ATP2A3: variants seen among roughly 807,000 people sequenced by gnomAD.
ATP2A3 encodes sarcoplasmic/endoplasmic reticulum calcium ATPase 3.
Under a neutral mutation model 106.8 loss-of-function variants are expected in ATP2A3, and 61 were observed. The observed-to-expected ratio is 0.57, with a 90% CI of 0.46 to 0.71. The LOEUF is 0.71. Ranked by LOEUF, ATP2A3 falls within the 30% of genes least tolerant of loss-of-function variation. ATP2A3 has a pLI of 0.00. For missense variants in ATP2A3, 1,201 were observed against 1,423.5 expected (o/e 0.84, Z 2.52); for synonymous variants, 611 against 609.3 (o/e 1.00, Z -0.04).
Position 3,928,787 on chromosome 17 carries a change from G to C in ATP2A3, c.2863-7C>G. The C allele has an allele frequency of 6.5e-7, 1 of 1,548,830 alleles. No individual in the cohort carries two copies. The highest frequency in any genetic ancestry group is 8.7e-7 in the Non-Finnish European group (1 of 1,144,140). ...GGGTCACCTGGAAAATGAGCTGGCGGGGAGGGGAAGGGAGGTTTGGTTAAA... is the reference window on the plus strand; with the variant it reads ...GGGTCACCTGGAAAATGAGCTGGCGCGGAGGGGAAGGGAGGTTTGGTTAAA... On this transcript the variant is annotated splice_region_variant and splice_polypyrimidine_tract_variant and intron_variant, in intron 19 of 20. Coordinates refer to ENST00000397041, the MANE Select transcript of ATP2A3 (RefSeq NM_005173.4). The surrounding 1 kb of genome is among the most constrained non-coding windows in gnomAD (Gnocchi z 6.1).
chr17:3,935,607 G>A (rs905700997), intron 16 of ATP2A3, among the ~76,000 whole-genome samples: 3 of 145,102 alleles, frequency 2.1e-5, no homozygotes, highest in Non-Finnish European at 3.0e-5. Flanking sequence ...GTGCCATCTC[G>A]GCTCACAGCA....
chr17:3,964,118 G>C, intron 1 of ATP2A3, 56 bp downstream of exon 1: 1 of 988,336 alleles, frequency 1.0e-6, no homozygotes, highest in Non-Finnish European at 1.2e-6. Flanking sequence ...AGGGGAAACT[G>C]AGACTGCGGC....
At position 3,936,142 on chromosome 17, in the gene ATP2A3, T is replaced by C; in HGVS notation, c.2524+125A>G. ...TCCCGCCATGCCTGGTCTTTTCCAT[T>C]ACATGAGCTCATACAGTTTCTACTG... On this transcript the variant is annotated intron_variant, in intron 16 of 20. Transcript: ENST00000397041. The surrounding 1 kb of genome is among the most constrained non-coding windows in gnomAD (Gnocchi z 5.4). 7.9e-7 allele frequency: 1 copy of C among 1,268,310 alleles called. No homozygotes were observed. The highest frequency in any genetic ancestry group is 1.1e-6 in the Non-Finnish European group (1 of 877,308). The allele number at this position is 1,268,310 out of a possible 1,614,324, so 78.6% of individuals were successfully genotyped here.
At chr17:3,937,375 G>C in intron 15 of ATP2A3, 41 bp downstream of exon 15, 1 of 1,592,184 alleles carries the variant, frequency 6.3e-7, no homozygotes, top group Non-Finnish European at 8.6e-7. Flanking sequence ...GGGGCACAGA[G>C]CGGATTGAGA....
rs763829274 is a variant in ATP2A3 at position 3,928,212 on chromosome 17, C to T, written c.2980+451G>A. 1.2e-6 allele frequency: 2 copies of T among 1,613,058 alleles called. No individual in the cohort carries two copies. Among genetic ancestry groups the T allele is most frequent in the East Asian group, 2.2e-5 (1 of 44,872 alleles). On this transcript the variant is annotated intron_variant, in intron 20 of 20. Transcript: ENST00000397041. This position sits in a 1 kb window ranked among gnomAD's most constrained non-coding sequence, Gnocchi z 6.1. ...CAGAAACAACCCTCCCCTTGACCCA[C>T]CCACAAGGTGATACCAAAGAGGCCA...
Position 3,936,485 on chromosome 17 carries a change from G to A in ATP2A3, c.2322-16C>T. The A allele has an allele frequency of 1.2e-6, 2 of 1,613,450 alleles. No individual in the cohort carries two copies. Among genetic ancestry groups the A allele is most frequent in the Non-Finnish European group, 1.7e-6 (2 of 1,179,922 alleles). On this transcript the variant is annotated splice_polypyrimidine_tract_variant and intron_variant, in intron 15 of 20. Transcript: ENST00000397041. The surrounding 1 kb of genome is among the most constrained non-coding windows in gnomAD (Gnocchi z 5.4). Reference sequence around the variant, plus strand: ...GAGGAAGATGCTGGAACAGAGTCATGAGCTCTAGCCCCGGTAGGCCTAGCC... The same window carrying A: ...GAGGAAGATGCTGGAACAGAGTCATAAGCTCTAGCCCCGGTAGGCCTAGCC...
rs1449581839 is a variant in ATP2A3 at position 3,947,786 on chromosome 17, T to G, written c.700A>C (p.Lys234Gln). ...ACTGCCGCCATCTGGCTCCGGATCT[T>G]GCCCAGCTCCGTGTGCAGGCCGGTG... ...VATGLHTELG[K>Q]IRSQMAAVEP... The change falls in exon 8 of 21, where the codon AAG (lysine) becomes CAG (glutamine). Residue 234 changes from lysine to glutamine, a missense_variant. Lys to Gln is a moderately conservative substitution (Grantham distance 53, BLOSUM62 1). Coordinates refer to ENST00000397041, the MANE Select transcript of ATP2A3 (RefSeq NM_005173.4). The surrounding 1 kb of genome is among the most constrained non-coding windows in gnomAD (Gnocchi z 7.7). The G allele has an allele frequency of 6.2e-7, 1 of 1,602,136 alleles. No homozygotes were observed. Among genetic ancestry groups the G allele is most frequent in the Non-Finnish European group, 8.5e-7 (1 of 1,179,838 alleles).
At chr17:3,951,546 G>GGCCCCCCCCC in intron 4 of ATP2A3, 35 bp downstream of exon 4, 1 of 1,319,566 alleles carries the variant, frequency 7.6e-7, no homozygotes, top group Non-Finnish European at 1.0e-6. Flanking sequence ...CTGGGAGACC[G>GGCCCCCCCCC]CCCCCCGCCC....
rs949606129 is a variant in ATP2A3, at chr17:3,952,484, G to A, written c.220-799C>T. ...CCAAGAGGAGGCTGCAAGAGGTTCA[G>A]ACCCCAAAATCCATGTGGGGGACAC... On this transcript the variant is annotated intron_variant, in intron 3 of 20. Transcript: ENST00000397041. 2.6e-5 allele frequency among the ~76,000 whole-genome samples: 4 copies of A among 152,218 alleles called. No individual in the cohort carries two copies. In the East Asian group the frequency reaches 7.7e-4, roughly 29 times the overall value.
At position 3,925,100 on chromosome 17, in the gene ATP2A3, G is replaced by A. The variant is rs2052631834; in HGVS notation, c.*322C>T. The A allele has an allele frequency of 9.2e-6, 5 of 546,294 alleles. No individual in the cohort carries two copies. Among genetic ancestry groups the A allele is most frequent in the East Asian group, 3.2e-5 (1 of 31,618 alleles). 33.8% of individuals were successfully genotyped at this position (546,294 alleles called of 1,614,324 possible). A position where few individuals can be genotyped will look rare whatever the true frequency, so the allele number is the denominator to read the frequency against. ...GTGATTTGGGGGTGGGGGGGCCCCG[G>A]ATCTCTGGGTATGCTGCCAGCTCCG... On this transcript the variant is annotated 3_prime_UTR_variant, in exon 21 of 21. Transcript: ENST00000397041. The surrounding 1 kb of genome is among the most constrained non-coding windows in gnomAD (Gnocchi z 4.2).
intron 1 of ATP2A3, among the ~76,000 whole-genome samples, chr17:3,963,218 A>T (rs1345117183): frequency 1.3e-5 from 2 of 152,238 alleles, no homozygotes; most frequent in Non-Finnish European, 2.9e-5. Flanking sequence ...CCAAAAGGGC[A>T]AGGCTCCAAG....
chr17:3,960,882 C>T (rs2055099833), intron 1 of ATP2A3, among the ~76,000 whole-genome samples: 1 of 152,176 alleles, frequency 6.6e-6, no homozygotes, highest in African/African-American at 2.4e-5. Context: ...TATTCACAAG[C>T]GCGTGACATG....
intron 4 of ATP2A3, 35 bp downstream of exon 4, chr17:3,951,546 G>GCCCCCCCCCCCCCC: frequency 7.6e-7 from 1 of 1,319,568 alleles, no homozygotes; most frequent in Non-Finnish European, 1.0e-6. Context: ...CTGGGAGACC[G>GCCCCCCCCCCCCCC]CCCCCCGCCC....
chr17:3,953,176 G>A lies in ATP2A3; in HGVS notation c.219+171C>T. The A allele has an allele frequency of 2.7e-6, 2 of 742,274 alleles. No individual in the cohort carries two copies. Among genetic ancestry groups the A allele is most frequent in the Non-Finnish European group, 4.7e-6 (2 of 423,680 alleles). 46.0% of individuals were successfully genotyped at this position (742,274 alleles called of 1,614,324 possible). A position where few individuals can be genotyped will look rare whatever the true frequency, so the allele number is the denominator to read the frequency against. ...GGGACCCAATGTAGGGGCCATGAGG[G>A]TTCAGGCAAGGGAAGCTGAAGTCTG... On this transcript the variant is annotated intron_variant, in intron 3 of 20. Transcript: ENST00000397041. The surrounding 1 kb of genome is among the most constrained non-coding windows in gnomAD (Gnocchi z 5.1).
chr17:3,958,995 G>A (rs986737430), intron 1 of ATP2A3, among the ~76,000 whole-genome samples: 2 of 151,208 alleles, frequency 1.3e-5, no homozygotes, highest in African/African-American at 4.9e-5. Flanking sequence ...GGGTTCAAGC[G>A]ATTCTCCTGC....
rs150939125 is a variant in ATP2A3, at chr17:3,941,109, C to T, written c.1962G>A (p.Thr654=). 20 of 1,613,996 alleles carry T rather than the reference C, an allele frequency of 1.2e-5. No individual in the cohort carries two copies. The highest frequency in any genetic ancestry group is 8.0e-5 in the African/African-American group (6 of 75,050). Residue 654 remains threonine, a synonymous_variant, in exon 14 of 21, where the codon ACG becomes ACA. Coordinates refer to ENST00000397041, the MANE Select transcript of ATP2A3 (RefSeq NM_005173.4). ...GGCTGAGGTCATCAAACTCGCGGCCCGTGTAGGCCTTGCCCGCCACGTCTT... is the reference window on the plus strand; with the variant it reads ...GGCTGAGGTCATCAAACTCGCGGCCTGTGTAGGCCTTGCCCGCCACGTCTT... ...DTEDVAGKAY[T]GREFDDLSPE...
rs2053898971 is a variant in ATP2A3, at chr17:3,943,428, G to C, written c.1382C>G (p.Ala461Gly). 1 of 1,613,990 alleles carries C rather than the reference G, an allele frequency of 6.2e-7. No homozygotes were observed. Among genetic ancestry groups the C allele is most frequent in the Admixed American group, 1.7e-5 (1 of 60,004 alleles). ...GCCAGCTCGCTCCACCCGGGACAGA[G>C]CCTGCAGGTCGGTGTCGAACACGTT... ...KMNVFDTDLQ[A>G]LSRVERAGAC... Residue 461 changes from alanine to glycine, a missense_variant, in exon 11 of 21, where the codon GCT (alanine) becomes GGT (glycine). Physicochemically the swap from Ala to Gly is moderately conservative, Grantham distance 60. Around this residue, in one of 2 missense-constraint regions of ATP2A3, gnomAD observed 935 missense variants for 1,176.7 expected, o/e 0.79. Transcript: ENST00000397041.
At chr17:3,960,520 G>A (rs938428836) in intron 1 of ATP2A3, among the ~76,000 whole-genome samples, 1 of 152,248 alleles carries the variant, frequency 6.6e-6, no homozygotes, top group Non-Finnish European at 1.5e-5. Context: ...GGTCACTGGG[G>A]TCTCCAGGGA....
chr17:3,950,988 A>G (rs2054386316), intron 5 of ATP2A3, among the ~76,000 whole-genome samples: 1 of 151,976 alleles, frequency 6.6e-6, no homozygotes, highest in Non-Finnish European at 1.5e-5. Flanking sequence ...CCCCCTCTGT[A>G]TATACGGCCG....
Sources: gnomAD v4.1 joint callset for allele counts (sites outside exome capture counted in the v4.1 genomes callset) on GRCh38, gnomAD v4.1.1 for gene constraint, gnomAD v4.1.1 regional missense constraint, Gnocchi (gnomAD v3.1) non-coding constraint, MANE v1.5 for transcripts, NCBI Gene and HGNC (gene_info 2026-07-23, HGNC 2026-07-21) for gene names.